Variants in RBPJ observed in about 807,000 individuals in gnomAD.
RBPJ encodes recombination signal binding protein for immunoglobulin kappa J region, also known as recombining binding protein suppressor of hairless.
RBPJ carries 9 observed loss-of-function variants against 67.8 expected under a neutral mutation model. The observed-to-expected ratio is 0.13, with a 90% CI of 0.08 to 0.23. RBPJ has a LOEUF of 0.23. RBPJ is among the 10% of genes least tolerant of loss of function. RBPJ has a pLI of 1.00. For missense variants in RBPJ, 305 were observed against 595.6 expected (o/e 0.51, Z 5.08); for synonymous variants, 198 against 203.3 (o/e 0.97, Z 0.22).
intron 1 of RBPJ, among the ~76,000 whole-genome samples, chr4:26,373,292 A>G (rs940616328): frequency 9.2e-5 from 14 of 152,108 alleles, no homozygotes; most frequent in African/African-American, 2.4e-4. Flanking sequence ...CCTATTTTAT[A>G]TGTGTTTAAA....
At chr4:26,159,052 CT>C (rs1716031169), upstream of RBPJ, among the ~76,000 whole-genome samples, 1 of 148,448 alleles carries the variant, frequency 6.7e-6, no homozygotes. Context: ...TATCATTTTA[CT>C]TTTACTTGGG....
At position 26,431,586 on chromosome 4, in the gene RBPJ, T is replaced by G. The variant is rs548533854; in HGVS notation, c.*579T>G. ...TATCATACTCTTCCAGGTTTTTTTT[T>G]TTTGGTCTAAGGCTGGAACTTTTTT... is the stretch of plus-strand genomic sequence containing the variant. On this transcript the variant is annotated 3_prime_UTR_variant, in exon 11 of 11. Coordinates refer to ENST00000355476, the MANE Select transcript of RBPJ (RefSeq NM_015874.6). The G allele has an allele frequency of 2.0e-5, 3 of 152,540 alleles. No individual in the cohort carries two copies. The highest frequency in any genetic ancestry group is 4.1e-4 in the South Asian group (2 of 4,820). 9.4% of individuals were successfully genotyped at this position (152,540 alleles called of 1,614,324 possible).
the RBPJ span, among the ~76,000 whole-genome samples, chr4:26,107,067 C>T: frequency 1.3e-5 from 2 of 152,268 alleles, no homozygotes; most frequent in African/African-American, 4.8e-5. Context: ...CTTATGAAGG[C>T]AGAGACTGAG....
chr4:26,418,403 T>A (rs993918943), intron 4 of RBPJ, among the ~76,000 whole-genome samples: 4 of 152,346 alleles, frequency 2.6e-5, no homozygotes, highest in African/African-American at 9.6e-5. Flanking sequence ...TATAGTTTTT[T>A]AAAACTAATA....
At chr4:26,397,953 A>G (rs1016295890) in intron 2 of RBPJ, among the ~76,000 whole-genome samples, 1 of 152,120 alleles carries the variant, frequency 6.6e-6, no homozygotes, top group Non-Finnish European at 1.5e-5. Flanking sequence ...TTGAAAATGT[A>G]AAAGGCATGC....
chr4:26,296,326 G>A (rs1721873401), intron 1 of RBPJ, among the ~76,000 whole-genome samples: 1 of 152,042 alleles, frequency 6.6e-6, no homozygotes, highest in African/African-American at 2.4e-5. Flanking sequence ...TAGGTAGCTG[G>A]GAGAAGACTT....
chr4:26,244,143 G>GTATACACATA lies in RBPJ; in HGVS notation c.-167+80530_-167+80531insATACACATAT, dbSNP rs1179141990. Among the ~76,000 whole-genome samples, 3 of 141,214 alleles carry GTATACACATA rather than the reference G, an allele frequency of 2.1e-5. 1 individual carries two copies. Among genetic ancestry groups the GTATACACATA allele is most frequent in the African/African-American group, 7.8e-5 (3 of 38,444 alleles). 92.6% of individuals were successfully genotyped at this position (141,214 alleles called of 152,430 possible). A position where few individuals can be genotyped will look rare whatever the true frequency, so the allele number is the denominator to read the frequency against. ...GAAACTTTAAAATGTATATATATAT[G>GTATACACATA]TGTACACATATATGTATATATATAT... On this transcript the variant is annotated intron_variant, in intron 1 of 4. Coordinates refer to the RBPJ transcript ENST00000512351.
chr4:26,177,453 T>C (rs1716834039), intron 1 of RBPJ, among the ~76,000 whole-genome samples: 1 of 152,108 alleles, frequency 6.6e-6, no homozygotes, highest in South Asian at 2.1e-4. Context: ...GTTGTGCACC[T>C]GTAGTCCCAG....
intron 1 of RBPJ, among the ~76,000 whole-genome samples, chr4:26,299,888 A>G (rs1722020631): frequency 6.6e-6 from 1 of 151,440 alleles, no homozygotes; most frequent in Non-Finnish European, 1.5e-5. Flanking sequence ...ACGGAGATTC[A>G]CCATGTTGGC....
At chr4:26,408,029 C>T (rs1307354708) in intron 3 of RBPJ, among the ~76,000 whole-genome samples, 3 of 151,506 alleles carry the variant, frequency 2.0e-5, no homozygotes, top group Non-Finnish European at 4.4e-5. Context: ...CACTCACCAC[C>T]ATGGCCAGCT....
At chr4:26,372,175 A>G (rs2109554062) in intron 1 of RBPJ, among the ~76,000 whole-genome samples, 1 of 152,342 alleles carries the variant, frequency 6.6e-6, no homozygotes, top group African/African-American at 2.4e-5. Flanking sequence ...ACTTCATCTA[A>G]TCTTACAGAT....
intron 1 of RBPJ, among the ~76,000 whole-genome samples, chr4:26,347,821 T>TTAA: frequency 6.6e-6 from 1 of 152,332 alleles, no homozygotes; most frequent in Non-Finnish European, 1.5e-5. Flanking sequence ...TTCTCATGTG[T>TTAA]TAATGAAAAG....
chr4:26,124,802 C>T, the RBPJ span, among the ~76,000 whole-genome samples: 6 of 152,084 alleles, frequency 3.9e-5, no homozygotes, highest in Admixed American at 2.6e-4. Context: ...ACCACAAACA[C>T]GTGAGTAATG....
chr4:26,121,909 G>A, the RBPJ span, among the ~76,000 whole-genome samples: 4 of 54,634 alleles, frequency 7.3e-5, no homozygotes, highest in Non-Finnish European at 1.1e-4. Context: ...TTTATCTCCT[G>A]TGTCCTCTTT....
the RBPJ span, among the ~76,000 whole-genome samples, chr4:26,133,761 T>C: frequency 6.7e-6 from 1 of 149,908 alleles, no homozygotes; most frequent in Non-Finnish European, 1.5e-5. Context: ...ATGGAAAAAT[T>C]GTCTTCTACC....
intron 1 of RBPJ, among the ~76,000 whole-genome samples, chr4:26,377,656 G>A (rs1729890743): frequency 6.6e-6 from 1 of 152,148 alleles, no homozygotes; most frequent in African/African-American, 2.4e-5. Context: ...GTGATTCTTT[G>A]TTTGAGTCAG....
intron 1 of RBPJ, among the ~76,000 whole-genome samples, chr4:26,291,798 A>G (rs893189580): frequency 6.7e-6 from 1 of 149,574 alleles, no homozygotes; most frequent in Non-Finnish European, 1.5e-5. Context: ...CTGGTCTTGA[A>G]CTCCTGACCT....
chr4:26,215,144 T>A (rs1434378350), intron 1 of RBPJ, among the ~76,000 whole-genome samples: 139 of 54,902 alleles, frequency 2.5e-3, no homozygotes, highest in South Asian at 3.3e-3. Flanking sequence ...GAAGGAAGGA[T>A]GGAGGGAGGG....
chr4:26,154,072 A>T, the RBPJ span, among the ~76,000 whole-genome samples: 1 of 152,168 alleles, frequency 6.6e-6, no homozygotes, highest in South Asian at 2.1e-4. Context: ...CCCAATTAAG[A>T]ACTCCCGCTC....
Sources: gnomAD v4.1 joint callset for allele counts (sites outside exome capture counted in the v4.1 genomes callset) on GRCh38, gnomAD v4.1.1 for gene constraint, MANE v1.5 for transcripts, NCBI Gene and HGNC (gene_info 2026-07-23, HGNC 2026-07-21) for gene names.